RSPO2: variants seen among roughly 807,000 people sequenced by gnomAD.
RSPO2 encodes the protein R-spondin 2, also known as R-spondin-2.
Under a neutral mutation model 30.9 loss-of-function variants are expected in RSPO2, and 14 were observed. The observed-to-expected ratio is 0.45, with a 90% CI of 0.30 to 0.71. RSPO2 has a LOEUF of 0.71. Among genes scored for constraint, RSPO2 ranks in the 30% least tolerant of loss-of-function variants. The pLI, the probability that RSPO2 is intolerant of heterozygous loss-of-function variation, is 0.08. For synonymous variants in RSPO2, 107 were observed against 96.4 expected (o/e 1.11, Z -0.64); for missense variants, 264 against 301.9 (o/e 0.87, Z 0.93).
intron 5 of RSPO2, among the ~76,000 whole-genome samples, chr8:107,923,378 C>T (rs2130316213): frequency 6.6e-6 from 1 of 152,270 alleles, no homozygotes; most frequent in South Asian, 2.1e-4. Context: ...TACCATCTCA[C>T]ACCAGTCAGA....
At chr8:108,003,523 T>A (rs1353165691) in intron 2 of RSPO2, among the ~76,000 whole-genome samples, 2 of 151,470 alleles carry the variant, frequency 1.3e-5, no homozygotes, top group East Asian at 3.9e-4. Context: ...TATTTTGACA[T>A]GCTTTGTTGA....
chr8:108,003,797 A>G (rs1252374093), intron 2 of RSPO2, among the ~76,000 whole-genome samples: 8 of 152,188 alleles, frequency 5.3e-5, no homozygotes, highest in Non-Finnish European at 2.9e-5. Context: ...TAAACAGATC[A>G]GAGAGTTTTA....
chr8:107,970,523 T>C (rs1563544318), intron 3 of RSPO2, among the ~76,000 whole-genome samples: 2 of 152,166 alleles, frequency 1.3e-5, no homozygotes, highest in Admixed American at 6.5e-5. Flanking sequence ...TGGGGAGGCA[T>C]AGTGATGTCT....
chr8:108,019,865 A>T (rs1811004960), intron 2 of RSPO2, among the ~76,000 whole-genome samples: 1 of 152,152 alleles, frequency 6.6e-6, no homozygotes, highest in Non-Finnish European at 1.5e-5. Flanking sequence ...GTTTAGTGCT[A>T]CTAGCAGTAG....
At chr8:107,983,757 C>A in intron 3 of RSPO2, 1 of 1,596,756 alleles carries the variant, frequency 6.3e-7, no homozygotes, top group Middle Eastern at 2.3e-4. Context: ...AGAAAAGGAG[C>A]TGGATGTAGA....
chr8:107,918,481 C>T (rs185233570), intron 5 of RSPO2, among the ~76,000 whole-genome samples: 170 of 152,176 alleles, frequency 1.1e-3, no homozygotes, highest in Admixed American at 2.5e-3. Context: ...AGAAATCTGG[C>T]CTCATATCTT....
At position 107,937,154 on chromosome 8, in the gene RSPO2, G is replaced by GTTTT. The variant is rs34187034; in HGVS notation, c.616+20922_616+20925dup. On this transcript the variant is annotated intron_variant, in intron 5 of 5. Coordinates refer to ENST00000276659, the MANE Select transcript of RSPO2 (RefSeq NM_178565.5). ...TTAAGTCTTTAATCCATCTTCAGTT[G>GTTTT]TTTTTTTTTTTTTTTATATGGGGAG... 1.8e-4 allele frequency among the ~76,000 whole-genome samples: 25 copies of GTTTT among 139,982 alleles called. 1 individual carries two copies. Among genetic ancestry groups the GTTTT allele is most frequent in the African/African-American group, 6.2e-4 (23 of 37,198 alleles). 91.8% of individuals were successfully genotyped at this position (139,982 alleles called of 152,430 possible).
chr8:107,981,278 G>A (rs1814421799), intron 3 of RSPO2, among the ~76,000 whole-genome samples: 1 of 152,072 alleles, frequency 6.6e-6, no homozygotes, highest in Admixed American at 6.6e-5. Flanking sequence ...TAGCACTTTG[G>A]GAGGCCAAGA....
At chr8:107,956,899 C>T (rs934367819) in intron 5 of RSPO2, among the ~76,000 whole-genome samples, 1 of 152,064 alleles carries the variant, frequency 6.6e-6, no homozygotes, top group African/African-American at 2.4e-5. Flanking sequence ...TGAAAAATAC[C>T]TAGTTTAAGT....
intron 2 of RSPO2, among the ~76,000 whole-genome samples, chr8:108,062,916 C>A (rs200745174): frequency 2.6e-4 from 40 of 151,790 alleles, no homozygotes; most frequent in Non-Finnish European, 5.0e-4. Flanking sequence ...TATAAACAGA[C>A]CCAAAGACAA....
intron 2 of RSPO2, among the ~76,000 whole-genome samples, chr8:108,041,203 C>CAAAAAAA (rs55937336): frequency 4.4e-4 from 44 of 100,320 alleles, no homozygotes; most frequent in Middle Eastern, 6.6e-3. Context: ...CAAAAAGTGG[C>CAAAAAAA]AAAAAAAAAA....
chr8:107,919,599 G>A (rs1400487724), intron 5 of RSPO2, among the ~76,000 whole-genome samples: 1 of 152,114 alleles, frequency 6.6e-6, no homozygotes, highest in Admixed American at 6.6e-5. Flanking sequence ...TGACGGATTA[G>A]CTGGCACCAG....
chr8:107,924,791 A>T, intron 5 of RSPO2, among the ~76,000 whole-genome samples: 1 of 150,108 alleles, frequency 6.7e-6, no homozygotes, highest in East Asian at 2.0e-4. Context: ...AGGAAAGCAA[A>T]TAAATTGTAT....
chr8:107,979,582 G>T (rs1227449456), intron 3 of RSPO2, among the ~76,000 whole-genome samples: 1 of 152,036 alleles, frequency 6.6e-6, no homozygotes, highest in Admixed American at 6.6e-5. Context: ...AATGCTAAAT[G>T]ACAAGTTAAT....
intron 2 of RSPO2, among the ~76,000 whole-genome samples, chr8:108,025,298 G>A (rs558660854): frequency 6.6e-6 from 1 of 152,246 alleles, no homozygotes; most frequent in African/African-American, 2.4e-5. Flanking sequence ...GGAAGAGAAT[G>A]TAAAAATCCA....
At chr8:107,907,825 A>G (rs922917503) in intron 5 of RSPO2, among the ~76,000 whole-genome samples, 2 of 152,124 alleles carry the variant, frequency 1.3e-5, no homozygotes, top group African/African-American at 4.8e-5. Context: ...AAAAGTTACC[A>G]TATTTTTTTA....
intron 3 of RSPO2, among the ~76,000 whole-genome samples, chr8:107,982,196 T>C (rs1162521407): frequency 6.6e-6 from 1 of 152,196 alleles, no homozygotes; most frequent in Non-Finnish European, 1.5e-5. Flanking sequence ...ATCTCATTTC[T>C]GTATTTGTTT....
intron 3 of RSPO2, among the ~76,000 whole-genome samples, chr8:107,986,163 T>A (rs1399712356): frequency 6.6e-6 from 1 of 152,144 alleles, no homozygotes; most frequent in Non-Finnish European, 1.5e-5. Flanking sequence ...ATCCCCTGAA[T>A]AAAATACAAA....
intron 3 of RSPO2, among the ~76,000 whole-genome samples, chr8:107,970,768 G>C (rs1430625570): frequency 2.0e-5 from 3 of 152,212 alleles, no homozygotes; most frequent in Non-Finnish European, 4.4e-5. Context: ...CGAAGTTGCT[G>C]GTTGGAAAGG....
Sources: allele counts gnomAD v4.1 joint callset (sites outside exome capture counted in the v4.1 genomes callset), GRCh38; gene constraint gnomAD v4.1.1; transcripts MANE v1.5; gene names NCBI Gene and HGNC (gene_info 2026-07-23, HGNC 2026-07-21).